The following RNF150 variants were observed in gnomAD, a reference collection of about 807,000 sequenced individuals.
RNF150 encodes ring finger protein 150.
In RNF150, 24 loss-of-function variants were observed where a neutral mutation model predicts 39.3. The ratio of observed to expected loss-of-function variants is 0.61; its 90% confidence interval spans 0.44 to 0.86. The LOEUF is 0.86. Ranked by LOEUF, RNF150 falls within the 40% of genes least tolerant of loss-of-function variation. The pLI, the probability that RNF150 is intolerant of heterozygous loss-of-function variation, is 0.00. For missense variants in RNF150, 502 were observed against 587.8 expected (o/e 0.85, Z 1.51); for synonymous variants, 255 against 227.3 (o/e 1.12, Z -1.10).
chr4:140,944,487 A>G (rs1732208792), intron 4 of RNF150: 1 of 152,226 alleles, frequency 6.6e-6, no homozygotes, highest in Non-Finnish European at 1.5e-5. Context: ...AGGGGAAGAC[A>G]TGGTAGGTGT....
intron 1 of RNF150, among the ~76,000 whole-genome samples, chr4:141,049,626 G>A (rs2110885676): frequency 6.6e-6 from 1 of 152,176 alleles, no homozygotes; most frequent in East Asian, 1.9e-4. Context: ...GTCTTCAGGG[G>A]GTGGTGGGGA....
chr4:140,899,090 GT>G lies in RNF150; in HGVS notation c.1198+12053del, dbSNP rs747042489. Among the ~76,000 whole-genome samples the G allele has an allele frequency of 5.2e-3, 784 of 151,760 alleles. 6 individuals are homozygous for G. The highest frequency in any genetic ancestry group is 0.016 in the African/African-American group (656 of 41,374). On this transcript the variant is annotated intron_variant, in intron 6 of 6. Transcript: ENST00000515673. ...GTTTCCCTGTATGATTTTACTAATG[GT>G]TTTTTTTTAAATGAGATCTAATAGG...
In RNF150 at chr4:140,924,131, AT is replaced by A. The variant is rs1731285656; in HGVS notation, c.987+1845del. Among the ~76,000 whole-genome samples, 4 of 152,288 alleles carry A rather than the reference AT, an allele frequency of 2.6e-5. No individual in the cohort carries two copies. The South Asian group carries it at 8.3e-4, about 32-fold the overall frequency. ...AAACTTAAAGTATAATTAAAAAAAA[AT>A]CTTTACCAAATCCAAAAGATGCTAC... On this transcript the variant is annotated intron_variant, in intron 5 of 6. Transcript: ENST00000515673.
At chr4:141,155,311 T>C (rs57487954) in intron 1 of RNF150, among the ~76,000 whole-genome samples, 5,285 of 146,914 alleles carry the variant, frequency 0.036, 354 homozygotes, top group African/African-American at 0.12. Context: ...TTGGCCAGGC[T>C]GGCCTTGAAC....
chr4:140,911,300 C>T lies in RNF150; in HGVS notation c.1042G>A (p.Gly348Ser). ...LPTDFEGSLG[G>S]PPTNQITGAS... ...CCTGTGATCTGGTTGGTGGGTGGAC[C>T]TCCCAGAGAGCCCTCGAAGTCAGTG... The change falls in exon 6 of 7, where the codon GGT becomes AGT. Residue 348 changes from glycine (G) to serine (S), a missense_variant. Physicochemically the swap from Gly to Ser is moderately conservative, Grantham distance 56 (BLOSUM62 0). Transcript: ENST00000515673. 3 of 1,614,142 alleles carry T rather than the reference C, an allele frequency of 1.9e-6. No individual in the cohort carries two copies. The highest frequency in any genetic ancestry group is 2.5e-6 in the Non-Finnish European group (3 of 1,180,026).
chr4:141,035,497 C>T (rs770793600), intron 1 of RNF150, among the ~76,000 whole-genome samples: 9 of 152,124 alleles, frequency 5.9e-5, no homozygotes, highest in Admixed American at 2.0e-4. Flanking sequence ...AAAATGTATG[C>T]GATGCGATCC....
chr4:140,997,329 T>C (rs1734410656), intron 1 of RNF150, among the ~76,000 whole-genome samples: 1 of 152,136 alleles, frequency 6.6e-6, no homozygotes, highest in African/African-American at 2.4e-5. Flanking sequence ...GCGTAAAATA[T>C]ATAAAGGTAT....
chr4:141,176,980 C>T (rs1176379512), intron 1 of RNF150, among the ~76,000 whole-genome samples: 1 of 149,194 alleles, frequency 6.7e-6, no homozygotes, highest in Non-Finnish European at 1.5e-5. Flanking sequence ...TTTTGGGAGG[C>T]CAAGGCAGGA....
At chr4:141,046,852 T>C (rs1370739947) in intron 1 of RNF150, among the ~76,000 whole-genome samples, 2 of 152,162 alleles carry the variant, frequency 1.3e-5, no homozygotes, top group East Asian at 1.9e-4. Flanking sequence ...ATGAGATATC[T>C]TGCATGTTTC....
At chr4:140,994,050 A>C (rs924547160) in intron 1 of RNF150, among the ~76,000 whole-genome samples, 1 of 152,220 alleles carries the variant, frequency 6.6e-6, no homozygotes, top group Non-Finnish European at 1.5e-5. Context: ...CAGCTTTCCA[A>C]ATAATTACCC....
chr4:141,005,410 C>T (rs1016687466), intron 1 of RNF150, among the ~76,000 whole-genome samples: 2 of 151,988 alleles, frequency 1.3e-5, no homozygotes, highest in South Asian at 2.1e-4. Context: ...ATTCCATATT[C>T]GGTGTTAAGC....
intron 6 of RNF150, among the ~76,000 whole-genome samples, chr4:140,878,985 C>A (rs183131597): frequency 9.2e-5 from 14 of 152,336 alleles, no homozygotes; most frequent in Non-Finnish European, 1.8e-4. Context: ...TGGACCTCCA[C>A]TTTTCTCCAC....
chr4:141,212,625 CT>C (rs1728488713), intron 1 of RNF150, among the ~76,000 whole-genome samples: 1 of 152,144 alleles, frequency 6.6e-6, no homozygotes, highest in Non-Finnish European at 1.5e-5. Context: ...TACACTGAGG[CT>C]GTTGTTCACT....
At chr4:140,978,378 C>T (rs749325485) in intron 1 of RNF150, among the ~76,000 whole-genome samples, 2 of 152,100 alleles carry the variant, frequency 1.3e-5, no homozygotes, top group Non-Finnish European at 2.9e-5. Flanking sequence ...CTAACAATAG[C>T]CAATTTTATT....
chr4:140,865,506 C>T lies in RNF150; in HGVS notation c.*2755G>A, dbSNP rs1728665728. ...AAGAAGGCTATAAGGAAGGGCTGTT[C>T]CCCTTTCTTCTGAAAGAGAAACTTT... On this transcript the variant is annotated 3_prime_UTR_variant, in exon 7 of 7. Coordinates refer to ENST00000515673, the MANE Select transcript of RNF150 (RefSeq NM_020724.2). 1 of 151,846 alleles carries T rather than the reference C, an allele frequency of 6.6e-6. No homozygotes were observed. The highest frequency in any genetic ancestry group is 2.4e-5 in the African/African-American group (1 of 41,210). The allele number at this position is 151,846 out of a possible 1,614,324, so 9.4% of individuals were successfully genotyped here. A position where few individuals can be genotyped will look rare whatever the true frequency, so the allele number is the denominator to read the frequency against.
At chr4:140,997,046 A>T (rs12019258) in intron 1 of RNF150, 32,612 of 152,124 alleles carry the variant, frequency 0.21, 3,696 homozygotes, top group African/African-American at 0.29. Context: ...TACAAACCAC[A>T]AGGGGGAACA....
chr4:140,955,969 T>G (rs1732735478), intron 2 of RNF150, among the ~76,000 whole-genome samples: 2 of 152,166 alleles, frequency 1.3e-5, no homozygotes, highest in South Asian at 2.1e-4. Context: ...TCAGGAAAAC[T>G]TTACTGAATG....
intron 5 of RNF150, among the ~76,000 whole-genome samples, chr4:140,917,375 G>C (rs1415406837): frequency 1.3e-5 from 2 of 152,056 alleles, no homozygotes; most frequent in African/African-American, 4.8e-5. Context: ...ACAAAAAAAG[G>C]CAGGGGTTGC....
intron 1 of RNF150, among the ~76,000 whole-genome samples, chr4:141,015,035 G>A (rs1020366480): frequency 3.9e-5 from 6 of 151,914 alleles, no homozygotes; most frequent in South Asian, 2.1e-4. Context: ...ATTCTTCTGC[G>A]TGTGGATATC....
Sources: gnomAD v4.1 joint callset for allele counts (sites outside exome capture counted in the v4.1 genomes callset) on GRCh38, gnomAD v4.1.1 for gene constraint, MANE v1.5 for transcripts, NCBI Gene and HGNC (gene_info 2026-07-23, HGNC 2026-07-21) for gene names.